The following LRRC37A2 variants were observed in gnomAD, a reference collection of about 807,000 sequenced individuals.
LRRC37A2 encodes the protein leucine-rich repeat-containing protein 37A2.
In LRRC37A2, 9 loss-of-function variants were observed where a neutral mutation model predicts 68.8. The ratio of observed to expected loss-of-function variants is 0.13; its 90% CI spans 0.08 to 0.23. The LOEUF (loss-of-function observed/expected upper bound fraction) is 0.23. Among genes scored for constraint, LRRC37A2 ranks in the 10% least tolerant of loss-of-function variants. LRRC37A2 has a pLI of 1.00. For missense variants in LRRC37A2, 168 were observed against 950.4 expected, an observed-to-expected ratio of 0.18 and a Z score of 10.82; for synonymous variants, 63 against 367.6, an observed-to-expected ratio of 0.17 and a Z score of 9.48.
the LRRC37A2 span, chr17:46,929,494 T>G: frequency 7.7e-7 from 1 of 1,293,214 alleles, no homozygotes; most frequent in Non-Finnish European, 1.1e-6. Flanking sequence ...CCTGTCTCAC[T>G]CATTTCCTCC....
the LRRC37A2 span, among the ~76,000 whole-genome samples, chr17:46,458,531 C>CTT: frequency 1.0e-3 from 40 of 39,912 alleles, 1 homozygote; most frequent in African/African-American, 2.9e-3. Flanking sequence ...TCTTCTTCTT[C>CTT]TTTTTTTTTT....
the LRRC37A2 span, among the ~76,000 whole-genome samples, chr17:46,843,636 G>T: frequency 6.6e-6 from 1 of 152,176 alleles, no homozygotes; most frequent in Non-Finnish European, 1.5e-5. Context: ...TTCTAATCCC[G>T]GTTCTAAGCT....
chr17:46,940,254 G>T, the LRRC37A2 span: 24 of 1,423,360 alleles, frequency 1.7e-5, no homozygotes, highest in South Asian at 2.3e-4. Context: ...TCACACTTTC[G>T]GTTGGAGGAG....
chr17:46,930,608 C>T, the LRRC37A2 span: 2 of 155,890 alleles, frequency 1.3e-5, no homozygotes, highest in Non-Finnish European at 2.8e-5. Context: ...TAAGGGAACT[C>T]TTCTCTGTAT....
At chr17:46,900,174 T>TATATATATATATATATATATATACAC in the LRRC37A2 span, among the ~76,000 whole-genome samples, 1 of 30,352 alleles carries the variant, frequency 3.3e-5, no homozygotes, top group Non-Finnish European at 6.1e-5. Context: ...TATACATATA[T>TATATATATATATATATATATATACAC]ATATATATAT....
At chr17:46,947,609 C>A in the LRRC37A2 span, among the ~76,000 whole-genome samples, 1 of 152,126 alleles carries the variant, frequency 6.6e-6, no homozygotes, top group Admixed American at 6.6e-5. Context: ...ATGGGGATGG[C>A]AGACATGGCT....
chr17:46,896,433 A>AGAAG, the LRRC37A2 span, among the ~76,000 whole-genome samples: 1 of 103,442 alleles, frequency 9.7e-6, no homozygotes, highest in East Asian at 2.5e-4. Context: ...AAAGAAAGAA[A>AGAAG]GAAAGAAAGA....
chr17:46,745,526 C>T, the LRRC37A2 span, among the ~76,000 whole-genome samples: 827 of 152,296 alleles, frequency 5.4e-3, 7 homozygotes, highest in African/African-American at 0.018. Context: ...TGTAAGAGAA[C>T]ATCTCATGAG....
the LRRC37A2 span, among the ~76,000 whole-genome samples, chr17:46,712,424 G>A: frequency 3.9e-5 from 6 of 152,180 alleles, no homozygotes; most frequent in African/African-American, 1.4e-4. Flanking sequence ...TTGGATGTGG[G>A]CAGAGGTATC....
At chr17:46,910,425 G>T in the LRRC37A2 span, among the ~76,000 whole-genome samples, 83,631 of 151,884 alleles carry the variant, frequency 0.55, 23,614 homozygotes, top group Non-Finnish European at 0.62. Flanking sequence ...CAGATCCTCC[G>T]AGTGCCGCTG....
At chr17:46,875,134 C>G in the LRRC37A2 span, 1 of 1,613,952 alleles carries the variant, frequency 6.2e-7, no homozygotes, top group Admixed American at 1.7e-5. Context: ...TACGCGGTGT[C>G]CTCTGCCGCC....
the LRRC37A2 span, chr17:47,027,689 C>T: frequency 2.3e-4 from 178 of 784,618 alleles, no homozygotes; most frequent in Middle Eastern, 2.3e-3. Context: ...TTATAAACCT[C>T]TTTGCTATTC....
At chr17:46,891,768 GA>G in the LRRC37A2 span, among the ~76,000 whole-genome samples, 1 of 152,132 alleles carries the variant, frequency 6.6e-6, no homozygotes, top group African/African-American at 2.4e-5. Context: ...CCCCTGACCA[GA>G]GGACTCCCCT....
chr17:46,868,372 A>T, the LRRC37A2 span, among the ~76,000 whole-genome samples: 1 of 152,022 alleles, frequency 6.6e-6, no homozygotes, highest in Non-Finnish European at 1.5e-5. Context: ...TGGGCGGATC[A>T]CATGAGGTCA....
chr17:46,492,817 C>A, the LRRC37A2 span, among the ~76,000 whole-genome samples: 1 of 149,698 alleles, frequency 6.7e-6, no homozygotes, highest in Non-Finnish European at 1.5e-5. Flanking sequence ...CCTCAGCCTC[C>A]CGTGTAGCTG....
the LRRC37A2 span, among the ~76,000 whole-genome samples, chr17:46,801,631 T>G: frequency 1.4e-5 from 2 of 146,026 alleles, no homozygotes; most frequent in African/African-American, 5.1e-5. Context: ...AAAAACAAAT[T>G]GAATTGAATT....
At chr17:46,622,322 G>A in the LRRC37A2 span, among the ~76,000 whole-genome samples, 1 of 149,094 alleles carries the variant, frequency 6.7e-6, no homozygotes, top group East Asian at 2.0e-4. Context: ...GCCAGGCGTG[G>A]TGGTGGGTAC....
chr17:46,730,026 G>T, the LRRC37A2 span, among the ~76,000 whole-genome samples: 2 of 152,050 alleles, frequency 1.3e-5, no homozygotes, highest in Admixed American at 6.5e-5. Context: ...AGAGGTGAGT[G>T]TATTTTCCCT....
At chr17:46,856,016 T>C in the LRRC37A2 span, among the ~76,000 whole-genome samples, 1 of 152,100 alleles carries the variant, frequency 6.6e-6, no homozygotes, top group Non-Finnish European at 1.5e-5. Context: ...GTTATCCGAG[T>C]GGCTTTGTAA....
Sources: allele counts gnomAD v4.1 joint callset (sites outside exome capture counted in the v4.1 genomes callset), GRCh38; gene constraint gnomAD v4.1.1; transcripts MANE v1.5; gene names NCBI Gene and HGNC (gene_info 2026-07-23, HGNC 2026-07-21).